Variants in SYNE1 observed in about 807,000 individuals in gnomAD.
The protein encoded by SYNE1 is spectrin repeat containing nuclear envelope protein 1.
SYNE1 carries 616 observed loss-of-function variants against 1,111.0 expected under a neutral mutation model. The observed-to-expected ratio is 0.55, with a 90% CI of 0.52 to 0.59. The LOEUF (loss-of-function observed/expected upper bound fraction) is 0.59. SYNE1 is among the 20% of genes least tolerant of loss of function. The pLI is 0.00. For synonymous variants in SYNE1, 3,855 were observed against 3,825.8 expected (o/e 1.01, Z -0.28); for missense variants, 10,006 against 10,417.0 (o/e 0.96, Z 1.72).
chr6:152,300,387 TA>T (rs1258859317), intron 93 of SYNE1, among the ~76,000 whole-genome samples: 1 of 152,208 alleles, frequency 6.6e-6, no homozygotes, highest in Non-Finnish European at 1.5e-5. Context: ...CATAATGTCT[TA>T]AAACAGAGCC....
At chr6:152,579,648 T>C (rs1192832535) in intron 3 of SYNE1, among the ~76,000 whole-genome samples, 1 of 152,166 alleles carries the variant, frequency 6.6e-6, no homozygotes, top group Admixed American at 6.5e-5. Flanking sequence ...CAATAGGTAG[T>C]TTTTCAATCC....
intron 4 of SYNE1, among the ~76,000 whole-genome samples, chr6:152,535,475 T>C (rs1220409993): frequency 6.6e-6 from 1 of 152,178 alleles, no homozygotes; most frequent in Non-Finnish European, 1.5e-5. Context: ...GATAAAGGAC[T>C]GCTCATTCTA....
chr6:152,319,808 G>C (rs564901191), intron 84 of SYNE1: 1 of 152,206 alleles, frequency 6.6e-6, no homozygotes, highest in South Asian at 2.1e-4. Flanking sequence ...GGCTATGATA[G>C]GAAAATTAAT....
At position 152,634,912 on chromosome 6, in the gene SYNE1, G is replaced by A. The variant is rs148424655; in HGVS notation, c.-224+1726C>T. Among the ~76,000 whole-genome samples, 30 of 152,350 alleles carry A rather than the reference G, an allele frequency of 2.0e-4. No individual in the cohort carries two copies. In the East Asian group the frequency reaches 4.2e-3, roughly 22 times the overall value. On this transcript the variant is annotated intron_variant, in intron 2 of 145. Transcript: ENST00000367255. ...GACACACAGAGGACCTCGCAGAGGC[G>A]TTTGGGCCCTGCATGCCTGTCACAT...
intron 101 of SYNE1, among the ~76,000 whole-genome samples, chr6:152,257,251 G>T (rs961409045): frequency 6.6e-6 from 1 of 152,056 alleles, no homozygotes; most frequent in African/African-American, 2.4e-5. Flanking sequence ...AAATAAAGCA[G>T]GCCACCCACG....
At chr6:152,512,429 A>G (rs1341174661) in intron 6 of SYNE1, among the ~76,000 whole-genome samples, 1 of 152,154 alleles carries the variant, frequency 6.6e-6, no homozygotes, top group African/African-American at 2.4e-5. Context: ...GATCTCTAGG[A>G]TCATTTTGAG....
In SYNE1 at chr6:152,526,180, A is replaced by T; in HGVS notation, c.130-5T>A. ...CACCACCATTGGAGGTTTCCGCTGTAAAAGCAAAGAGGAATAAGTGCAGAA... is the reference window on the plus strand; with the variant it reads ...CACCACCATTGGAGGTTTCCGCTGTTAAAGCAAAGAGGAATAAGTGCAGAA... On this transcript the variant is annotated splice_polypyrimidine_tract_variant and splice_region_variant and intron_variant, in intron 4 of 145. Transcript: ENST00000367255. 1 of 1,613,748 alleles carries T rather than the reference A, an allele frequency of 6.2e-7. No individual in the cohort carries two copies.
chr6:152,561,764 TCA>T (rs1406658430), intron 3 of SYNE1, among the ~76,000 whole-genome samples: 1 of 152,116 alleles, frequency 6.6e-6, no homozygotes, highest in African/African-American at 2.4e-5. Flanking sequence ...TATATAATAT[TCA>T]GTCAATTAAT....
chr6:152,316,141 C>T (rs1351603099), intron 87 of SYNE1: 1 of 152,326 alleles, frequency 6.6e-6, no homozygotes, highest in Non-Finnish European at 1.5e-5. Flanking sequence ...AGAAAAGGAA[C>T]ATTTTTCTCA....
rs57189446 is a variant in SYNE1 at position 152,163,515 on chromosome 6, A to AG, written c.23790+647_23790+648insC. On this transcript the variant is annotated intron_variant, in intron 131 of 145. Coordinates refer to ENST00000367255, the MANE Select transcript of SYNE1 (RefSeq NM_182961.4). ...CTCTGTCTCAGGAAAAAAAAAAAAA[A>AG]AAAGAAAGAATAAATGAGGGAGGGA... is the stretch of plus-strand genomic sequence containing the variant. Among the ~76,000 whole-genome samples, 521 of 151,302 alleles carry AG rather than the reference A, an allele frequency of 3.4e-3. 1 individual carries two copies. Among genetic ancestry groups the AG allele is most frequent in the African/African-American group, 0.012 (503 of 41,184 alleles).
At chr6:152,264,281 T>C (rs2092443730) in intron 100 of SYNE1, among the ~76,000 whole-genome samples, 1 of 150,494 alleles carries the variant, frequency 6.6e-6, no homozygotes, top group Admixed American at 6.6e-5. Context: ...CGGATCTTCA[T>C]TCTTCAGGAC....
At chr6:152,220,325 T>C (rs2079852851) in intron 119 of SYNE1, among the ~76,000 whole-genome samples, 1 of 152,146 alleles carries the variant, frequency 6.6e-6, no homozygotes, top group Admixed American at 6.5e-5. Context: ...CTTAAACCCT[T>C]AAGTAGGTTA....
At chr6:152,495,922 T>C (rs1047423583) in intron 11 of SYNE1, among the ~76,000 whole-genome samples, 8 of 152,346 alleles carry the variant, frequency 5.3e-5, no homozygotes, top group African/African-American at 1.7e-4. Flanking sequence ...GAAAATTTTA[T>C]ATTCGAGTGC....
intron 130 of SYNE1, among the ~76,000 whole-genome samples, chr6:152,174,208 C>T (rs983477746): frequency 9.2e-5 from 14 of 152,098 alleles, no homozygotes; most frequent in African/African-American, 2.4e-4. Context: ...AAAAACTCCC[C>T]GGGGGATGTT....
intron 58 of SYNE1, among the ~76,000 whole-genome samples, chr6:152,374,027 C>T (rs1027587213): frequency 4.6e-5 from 7 of 152,082 alleles, no homozygotes; most frequent in Admixed American, 6.6e-5. Context: ...GATGAATTTC[C>T]GTGGGGAATC....
chr6:152,417,122 G>A, intron 40 of SYNE1, 107 bp from the exon 41 acceptor site: 8 of 1,484,914 alleles, frequency 5.4e-6, no homozygotes, highest in Non-Finnish European at 7.4e-6. Flanking sequence ...GCCATGGATA[G>A]TATAGTACTT....
At chr6:152,503,415 T>C (rs899426410) in intron 9 of SYNE1, among the ~76,000 whole-genome samples, 4 of 152,180 alleles carry the variant, frequency 2.6e-5, no homozygotes, top group African/African-American at 9.6e-5. Context: ...AGCTTATAGA[T>C]ATTTATCTAA....
rs1181145798 is a variant in SYNE1 at position 152,502,624 on chromosome 6, A to G, written c.888+9T>C. 3 of 1,604,746 alleles carry G rather than the reference A, an allele frequency of 1.9e-6. No individual in the cohort carries two copies. The Admixed American group carries it at 5.0e-5, about 27-fold the overall frequency. ...ATACCAGTGATACTTGAAGAAAGCA[A>G]ATACCTACATCATCCTCTTGCCCAT... On this transcript the variant is annotated intron_variant, in intron 10 of 145. Transcript: ENST00000367255.
At chr6:152,468,819 A>C (rs979419394) in intron 16 of SYNE1, among the ~76,000 whole-genome samples, 3 of 152,282 alleles carry the variant, frequency 2.0e-5, no homozygotes. Flanking sequence ...TCTGTAGCTC[A>C]GGCTGAAGTG....
Sources: allele counts gnomAD v4.1 joint callset (sites outside exome capture counted in the v4.1 genomes callset), GRCh38; gene constraint gnomAD v4.1.1; transcripts MANE v1.5; gene names NCBI Gene and HGNC (gene_info 2026-07-23, HGNC 2026-07-21).